The following WWOX variants were observed in gnomAD, a reference collection of about 807,000 sequenced individuals.
WWOX encodes the protein WW domain containing oxidoreductase.
Under a neutral mutation model 46.2 loss-of-function variants are expected in WWOX, and 69 were observed. That is an observed-to-expected ratio of 1.49 (90% CI 1.23 to 1.82). WWOX has a LOEUF of 1.82. Ranked by LOEUF, WWOX falls within the 40% of genes most tolerant of loss-of-function variation. WWOX has a pLI of 0.00. For missense variants in WWOX, 919 were observed against 542.6 expected (o/e 1.69, Z -6.89); for synonymous variants, 359 against 202.6 (o/e 1.77, Z -6.56).
chr16:78,958,010 C>T (rs1353434523), intron 8 of WWOX, among the ~76,000 whole-genome samples: 5 of 152,180 alleles, frequency 3.3e-5, no homozygotes, highest in Non-Finnish European at 7.3e-5. Flanking sequence ...CTACATTTTC[C>T]CAAGGCCACA....
rs145633385 is a variant in WWOX at position 79,035,049 on chromosome 16, A to G, written c.1057-176559A>G. Among the ~76,000 whole-genome samples, 578 of 152,348 alleles carry G rather than the reference A, an allele frequency of 3.8e-3. 4 individuals carry two copies. Among genetic ancestry groups the G allele is most frequent in the African/African-American group, 0.013 (545 of 41,586 alleles). ...CTTTTAACTTGTCAACATTTCCTAC[A>G]TTCAACATTGTACTCTAATATCCAG... On this transcript the variant is annotated intron_variant, in intron 8 of 8. Coordinates refer to ENST00000566780, the MANE Select transcript of WWOX (RefSeq NM_016373.4).
At chr16:79,144,430 A>T (rs1013316329) in intron 8 of WWOX, among the ~76,000 whole-genome samples, 1 of 152,222 alleles carries the variant, frequency 6.6e-6, no homozygotes, top group East Asian at 1.9e-4. Flanking sequence ...CCTTGTACAG[A>T]GAGAACTGGA....
Position 78,632,381 on chromosome 16 carries a change from G to A in WWOX, c.1056+199629G>A, listed in dbSNP as rs561251220. Among the ~76,000 whole-genome samples, 8 of 152,046 alleles carry A rather than the reference G, an allele frequency of 5.3e-5. No homozygotes were observed. The East Asian group carries it at 9.7e-4, about 18-fold the overall frequency. On this transcript the variant is annotated intron_variant, in intron 8 of 8. Transcript: ENST00000566780. ...ATCAGAGTCATTATTGAGTTATTCC[G>A]CTACCTCCGTATTTGAGTCCTTTCT...
chr16:78,267,257 A>G (rs1268059641), intron 5 of WWOX: 3 of 152,238 alleles, frequency 2.0e-5, no homozygotes, highest in African/African-American at 7.2e-5. Context: ...TTTGTATCTA[A>G]GAAAGGGGAG....
At chr16:79,022,385 C>A (rs2047551703) in intron 8 of WWOX, among the ~76,000 whole-genome samples, 1 of 148,584 alleles carries the variant, frequency 6.7e-6, no homozygotes, top group Non-Finnish European at 1.5e-5. Context: ...TGTTATCAAG[C>A]CTACTGGCTT....
intron 8 of WWOX, among the ~76,000 whole-genome samples, chr16:78,949,215 A>C (rs1597192669): frequency 1.3e-5 from 2 of 152,122 alleles, no homozygotes; most frequent in East Asian, 3.9e-4. Flanking sequence ...ACACCTTGTG[A>C]GTGGCCTTGT....
intron 5 of WWOX, among the ~76,000 whole-genome samples, chr16:78,306,739 G>A (rs950206865): frequency 6.6e-6 from 1 of 151,054 alleles, no homozygotes; most frequent in African/African-American, 2.4e-5. Context: ...CAACCCCAGT[G>A]AGCCCCACTC....
At chr16:78,796,508 G>C (rs895933135) in intron 8 of WWOX, among the ~76,000 whole-genome samples, 1 of 152,226 alleles carries the variant, frequency 6.6e-6, no homozygotes, top group African/African-American at 2.4e-5. Context: ...GCCTCGAGGA[G>C]GCAAGAGAAA....
intron 8 of WWOX, among the ~76,000 whole-genome samples, chr16:78,943,805 C>T (rs1317746319): frequency 6.6e-6 from 1 of 152,148 alleles, no homozygotes; most frequent in Non-Finnish European, 1.5e-5. Flanking sequence ...TCCCACCGCA[C>T]ATCACTGTTT....
intron 8 of WWOX, among the ~76,000 whole-genome samples, chr16:78,581,253 T>A (rs1458522815): frequency 6.6e-6 from 1 of 152,210 alleles, no homozygotes; most frequent in Non-Finnish European, 1.5e-5. Context: ...ATTAATTAGA[T>A]AATTAAGGGT....
intron 8 of WWOX, among the ~76,000 whole-genome samples, chr16:79,099,347 C>CA (rs2049143261): frequency 6.6e-6 from 1 of 152,064 alleles, no homozygotes; most frequent in African/African-American, 2.4e-5. Flanking sequence ...TTTCTCTTTA[C>CA]AAAAAGAAAA....
chr16:78,501,236 G>T (rs1597174042), intron 8 of WWOX, among the ~76,000 whole-genome samples: 1 of 110,390 alleles, frequency 9.1e-6, no homozygotes, highest in Admixed American at 1.2e-4. Flanking sequence ...GCACCTGCAT[G>T]TTGTAAAAAC....
chr16:79,148,659 A>G (rs903012635), intron 8 of WWOX, among the ~76,000 whole-genome samples: 6 of 152,182 alleles, frequency 3.9e-5, no homozygotes, highest in Non-Finnish European at 8.8e-5. Flanking sequence ...CCTATAGATC[A>G]ATTCGGGAGA....
intron 8 of WWOX, among the ~76,000 whole-genome samples, chr16:78,605,260 C>T (rs1278236661): frequency 6.6e-6 from 1 of 151,694 alleles, no homozygotes; most frequent in Non-Finnish European, 1.5e-5. Context: ...AGCGTTGTCT[C>T]TCCAGCCTCC....
chr16:78,923,313 C>T (rs542168741), intron 8 of WWOX, among the ~76,000 whole-genome samples: 4 of 152,162 alleles, frequency 2.6e-5, no homozygotes, highest in African/African-American at 4.8e-5. Flanking sequence ...TTCTACCTTG[C>T]CCACCATGGC....
intron 8 of WWOX, among the ~76,000 whole-genome samples, chr16:79,207,644 TAA>T (rs1283709923): frequency 6.6e-6 from 1 of 152,254 alleles, no homozygotes; most frequent in African/African-American, 2.4e-5. Context: ...AAGTCTACTT[TAA>T]GACAGGAATC....
At chr16:78,731,196 C>G (rs1004627339) in intron 8 of WWOX, among the ~76,000 whole-genome samples, 2 of 152,072 alleles carry the variant, frequency 1.3e-5, no homozygotes, top group African/African-American at 4.8e-5. Flanking sequence ...GCTAATATTT[C>G]ATTATCTGTA....
At chr16:78,963,191 A>G (rs1442244048) in intron 8 of WWOX, among the ~76,000 whole-genome samples, 1 of 152,190 alleles carries the variant, frequency 6.6e-6, no homozygotes, top group Non-Finnish European at 1.5e-5. Context: ...GTTGTAGGTC[A>G]GGTGCAGTGG....
At chr16:78,646,389 C>T (rs911115283) in intron 8 of WWOX, among the ~76,000 whole-genome samples, 2 of 152,090 alleles carry the variant, frequency 1.3e-5, no homozygotes, top group Non-Finnish European at 2.9e-5. Flanking sequence ...CATCTTAGCC[C>T]TTCTTTCCTT....
Sources: allele counts gnomAD v4.1 joint callset (sites outside exome capture counted in the v4.1 genomes callset), GRCh38; gene constraint gnomAD v4.1.1; transcripts MANE v1.5; gene names NCBI Gene and HGNC (gene_info 2026-07-23, HGNC 2026-07-21).